The following PTPRM variants were observed in gnomAD, a reference collection of about 807,000 sequenced individuals.
PTPRM encodes protein tyrosine phosphatase receptor type M.
In PTPRM, 47 loss-of-function variants were observed where a neutral mutation model predicts 186.7. The observed-to-expected ratio is 0.25, with a 90% CI of 0.20 to 0.32. The LOEUF is 0.32. PTPRM is among the 10% of genes least tolerant of loss of function. The pLI, the probability that PTPRM is intolerant of heterozygous loss-of-function variation, is 1.00. For synonymous variants in PTPRM, 668 were observed against 674.9 expected, an observed-to-expected ratio of 0.99 and a Z score of 0.16; for missense variants, 1,494 against 1,865.0, an observed-to-expected ratio of 0.80 and a Z score of 3.66.
chr18:8,066,725 T>C (rs1444895888), intron 7 of PTPRM, among the ~76,000 whole-genome samples: 1 of 152,242 alleles, frequency 6.6e-6, no homozygotes, highest in African/African-American at 2.4e-5. Flanking sequence ...AAAGTGAGTG[T>C]CACCCTCTTT....
chr18:8,316,287 C>T (rs541277230), intron 21 of PTPRM, among the ~76,000 whole-genome samples: 1 of 152,188 alleles, frequency 6.6e-6, no homozygotes, highest in Non-Finnish European at 1.5e-5. Context: ...CTGGCACATG[C>T]CTGAATATAG....
chr18:7,880,797 C>T (rs918256274), intron 2 of PTPRM, among the ~76,000 whole-genome samples: 2 of 152,046 alleles, frequency 1.3e-5, no homozygotes, highest in Non-Finnish European at 2.9e-5. Context: ...AGGGGTGTAA[C>T]CTGGTATTAT....
intron 14 of PTPRM, among the ~76,000 whole-genome samples, chr18:8,212,419 G>A (rs2094018083): frequency 2.3e-5 from 1 of 44,050 alleles, no homozygotes; most frequent in Non-Finnish European, 4.5e-5. Flanking sequence ...TAAATTTAAT[G>A]CTCCTTTGTC....
At chr18:7,924,727 A>C (rs1417532042) in intron 4 of PTPRM, among the ~76,000 whole-genome samples, 1 of 152,216 alleles carries the variant, frequency 6.6e-6, no homozygotes, top group African/African-American at 2.4e-5. Context: ...CCGTTGTGAT[A>C]TGAGAAGGCC....
At chr18:8,150,427 T>G (rs948157810) in intron 14 of PTPRM, among the ~76,000 whole-genome samples, 2 of 152,120 alleles carry the variant, frequency 1.3e-5, no homozygotes, top group Admixed American at 1.3e-4. Context: ...TTTTTTCTGC[T>G]TGATTGATTC....
rs747799750 is a variant in PTPRM at position 7,774,186 on chromosome 18, A to G, written c.111A>G (p.Gly37=). 24 of 1,612,332 alleles carry G rather than the reference A, an allele frequency of 1.5e-5. No homozygotes were observed. Among genetic ancestry groups the G allele is most frequent in the Non-Finnish European group, 2.0e-5 (23 of 1,178,534 alleles). ...CLFDEPYSTC[G]YSQSEGDDFN... ...TTGATGAGCCGTATAGCACATGTGG[A>G]TATAGTCAATCTGAAGGTGATGACT... The change falls in exon 2 of 33, where the codon GGA becomes GGG. Residue 37 remains glycine (G), a synonymous_variant. Transcript: ENST00000580170.
intron 14 of PTPRM, among the ~76,000 whole-genome samples, chr18:8,162,786 CGT>C (rs754811978): frequency 3.3e-5 from 5 of 152,188 alleles, no homozygotes; most frequent in Non-Finnish European, 7.3e-5. Context: ...CACATCTTTA[CGT>C]GTGTTTCAGG....
chr18:7,949,520 G>A (rs1261314010), intron 6 of PTPRM, among the ~76,000 whole-genome samples, 165 bp downstream of exon 6: 1 of 152,210 alleles, frequency 6.6e-6, no homozygotes, highest in African/African-American at 2.4e-5. Flanking sequence ...AATTTTGCAC[G>A]TGAACAATAT....
intron 14 of PTPRM, among the ~76,000 whole-genome samples, chr18:8,171,966 G>A (rs1199899708): frequency 1.3e-5 from 2 of 152,136 alleles, no homozygotes; most frequent in Non-Finnish European, 2.9e-5. Context: ...TGCCGAAAGT[G>A]AAAAACAGAA....
intron 1 of PTPRM, among the ~76,000 whole-genome samples, chr18:7,688,236 G>A (rs773358031): frequency 6.6e-5 from 10 of 152,056 alleles, no homozygotes; most frequent in Non-Finnish European, 8.8e-5. Context: ...TTTTTGTGGC[G>A]GAAATGGGGA....
At chr18:7,580,979 A>C (rs2036830179) in intron 1 of PTPRM, among the ~76,000 whole-genome samples, 1 of 152,218 alleles carries the variant, frequency 6.6e-6, no homozygotes, top group Non-Finnish European at 1.5e-5. Context: ...TTTCCGGTTC[A>C]GGGAAAGGTG....
At chr18:7,939,815 A>C (rs2052054214) in intron 5 of PTPRM, among the ~76,000 whole-genome samples, 1 of 152,108 alleles carries the variant, frequency 6.6e-6, no homozygotes, top group Admixed American at 6.5e-5. Context: ...ATCATTTTTT[A>C]TGGTCCTTCT....
At chr18:8,023,098 AT>A (rs2085332154) in intron 7 of PTPRM, among the ~76,000 whole-genome samples, 1 of 131,264 alleles carries the variant, frequency 7.6e-6, no homozygotes, top group South Asian at 2.5e-4. Context: ...TGTGGGTTTC[AT>A]GTTGCGGAGG....
At chr18:8,290,347 G>T (rs895872299) in intron 19 of PTPRM, among the ~76,000 whole-genome samples, 8 of 152,068 alleles carry the variant, frequency 5.3e-5, no homozygotes, top group Non-Finnish European at 1.2e-4. Context: ...ATTATGTACG[G>T]CCTTGACCTG....
At chr18:7,589,032 G>A (rs1274191795) in intron 1 of PTPRM, among the ~76,000 whole-genome samples, 1 of 152,124 alleles carries the variant, frequency 6.6e-6, no homozygotes, top group Non-Finnish European at 1.5e-5. Flanking sequence ...AAATTTTGGA[G>A]AGATGGTATT....
intron 15 of PTPRM, among the ~76,000 whole-genome samples, chr18:8,246,036 C>A (rs2094473947): frequency 6.6e-6 from 1 of 152,222 alleles, no homozygotes; most frequent in Admixed American, 6.5e-5. Context: ...AGAAGGAACA[C>A]AGCAGTAGAC....
chr18:7,715,202 C>T (rs1450596626), intron 1 of PTPRM, among the ~76,000 whole-genome samples: 1 of 152,208 alleles, frequency 6.6e-6, no homozygotes, highest in Non-Finnish European at 1.5e-5. Flanking sequence ...GCTGGTTCAA[C>T]ATACACGAAT....
At chr18:7,613,668 G>A (rs1258550375) in intron 1 of PTPRM, among the ~76,000 whole-genome samples, 13 of 148,668 alleles carry the variant, frequency 8.7e-5, no homozygotes, top group African/African-American at 2.7e-4. Context: ...GCGAGACTCC[G>A]TCTCAAAAAA....
rs375761710 is a variant in PTPRM, at chr18:8,198,572, A to G, written c.2301-45486A>G. Among the ~76,000 whole-genome samples the G allele has an allele frequency of 2.0e-5, 3 of 152,346 alleles. No individual in the cohort carries two copies. The East Asian group carries it at 5.8e-4, about 29-fold the overall frequency. The stretch of plus-strand genomic sequence containing the variant: ...AGATGGGATCATCATCCCATCAGGT[A>G]TTCACTGAGCTCCTGCTTGTGCTCC... On this transcript the variant is annotated intron_variant, in intron 14 of 32. Coordinates refer to ENST00000580170, the MANE Select transcript of PTPRM (RefSeq NM_001105244.2).
Sources: gnomAD v4.1 joint callset for allele counts (sites outside exome capture counted in the v4.1 genomes callset) on GRCh38, gnomAD v4.1.1 for gene constraint, MANE v1.5 for transcripts, NCBI Gene and HGNC (gene_info 2026-07-23, HGNC 2026-07-21) for gene names.